The following ZNF423 variants were observed in gnomAD, a reference collection of about 807,000 sequenced individuals.
ZNF423 encodes the protein Ebf-associated zinc finger protein.
A neutral mutation model predicts 95.8 loss-of-function variants in ZNF423; 12 were observed. That is an observed-to-expected ratio of 0.13 (90% CI 0.08 to 0.20). The LOEUF (loss-of-function observed/expected upper bound fraction) is 0.20. Ranked by LOEUF, ZNF423 falls within the 10% of genes least tolerant of loss-of-function variation. The probability of loss-of-function intolerance (pLI) is 1.00; values close to 1 mark genes in which losing one functional copy is unlikely to be tolerated. For synonymous variants in ZNF423, 749 were observed against 711.9 expected (o/e 1.05, Z -0.83); for missense variants, 1,316 against 1,737.1 (o/e 0.76, Z 4.31).
At chr16:49,703,565 G>A (rs1035468656) in intron 3 of ZNF423, among the ~76,000 whole-genome samples, 2 of 152,240 alleles carry the variant, frequency 1.3e-5, no homozygotes, top group African/African-American at 4.8e-5. Context: ...TGGACAAATG[G>A]CTCTTCCTAG....
At chr16:49,619,691 G>C (rs888756306) in intron 5 of ZNF423, among the ~76,000 whole-genome samples, 2 of 152,196 alleles carry the variant, frequency 1.3e-5, no homozygotes, top group Admixed American at 1.3e-4. Context: ...GAGGGAGAGG[G>C]AGACATTTTT....
At chr16:49,707,763 T>A (rs1430048448) in intron 3 of ZNF423, among the ~76,000 whole-genome samples, 1 of 152,200 alleles carries the variant, frequency 6.6e-6, no homozygotes, top group African/African-American at 2.4e-5. Context: ...AAAATACTAG[T>A]GCCCTAAGCA....
At chr16:49,772,625 A>C (rs1239230061) in intron 2 of ZNF423, among the ~76,000 whole-genome samples, 1 of 152,190 alleles carries the variant, frequency 6.6e-6, no homozygotes, top group Non-Finnish European at 1.5e-5. Flanking sequence ...TTATTCCCCA[A>C]AACTCTTTCC....
At chr16:49,563,145 G>A (rs901202617) in intron 5 of ZNF423, among the ~76,000 whole-genome samples, 44 of 152,208 alleles carry the variant, frequency 2.9e-4, no homozygotes, top group Non-Finnish European at 6.0e-4. Context: ...TAAATCTCAT[G>A]TTCAAATCTA....
At chr16:49,771,998 G>A (rs1231910630) in intron 2 of ZNF423, among the ~76,000 whole-genome samples, 3 of 151,882 alleles carry the variant, frequency 2.0e-5, no homozygotes, top group African/African-American at 7.3e-5. Flanking sequence ...TGTTATGAGG[G>A]CCTGGATCAT....
intron 3 of ZNF423, among the ~76,000 whole-genome samples, chr16:49,702,301 CAG>C (rs1374055362): frequency 1.3e-5 from 2 of 152,300 alleles, no homozygotes; most frequent in East Asian, 3.9e-4. Flanking sequence ...TATTTCATAA[CAG>C]GGGAGGCCAA....
At chr16:49,550,732 G>C (rs1011407432) in intron 5 of ZNF423, among the ~76,000 whole-genome samples, 1 of 152,254 alleles carries the variant, frequency 6.6e-6, no homozygotes, top group South Asian at 2.1e-4. Context: ...ACAAGGGAAT[G>C]TAGGTCTCCC....
intron 4 of ZNF423, among the ~76,000 whole-genome samples, chr16:49,631,345 C>T (rs965423343): frequency 1.3e-5 from 2 of 152,042 alleles, no homozygotes; most frequent in African/African-American, 4.8e-5. Context: ...GCTCACCAGC[C>T]CCCAAACCCT....
rs1251033521 is a variant in ZNF423 at position 49,855,532 on chromosome 16, G to GCCGCCGCCT, written c.40+202_40+203insAGGCGGCGG. On this transcript the variant is annotated intron_variant, in intron 1 of 7. Transcript: ENST00000563137. The surrounding 1 kb of genome is among the most constrained non-coding windows in gnomAD (Gnocchi z 4.7). Reference sequence around the variant, plus strand: ...CCCCTCCGCCGCCGCCGCCGCCGCCGCCGCCTCCGCCTCCTGCTCCCGGCT... The same window carrying GCCGCCGCCT: ...CCCCTCCGCCGCCGCCGCCGCCGCCGCCGCCGCCTCCGCCTCCGCCTCCTGCTCCCGGCT... 1.6e-4 allele frequency among the ~76,000 whole-genome samples: 22 copies of GCCGCCGCCT among 134,000 alleles called. No individual in the cohort carries two copies. Among genetic ancestry groups the GCCGCCGCCT allele is most frequent in the South Asian group, 1.0e-3 (4 of 3,934 alleles). 87.9% of individuals were successfully genotyped at this position (134,000 alleles called of 152,430 possible).
intron 5 of ZNF423, among the ~76,000 whole-genome samples, chr16:49,537,926 G>A (rs1355102755): frequency 1.3e-5 from 2 of 152,182 alleles, no homozygotes; most frequent in East Asian, 1.9e-4. Flanking sequence ...GGGACCAGAT[G>A]GGGGGTCTGC....
At position 49,490,639 on chromosome 16, in the gene ZNF423, T is replaced by C. The variant is rs1317854371; in HGVS notation, c.*636A>G. 6.5e-6 allele frequency: 1 copy of C among 153,816 alleles called. No individual in the cohort carries two copies. Among genetic ancestry groups the C allele is most frequent in the Non-Finnish European group, 1.5e-5 (1 of 68,906 alleles). 9.5% of individuals were successfully genotyped at this position (153,816 alleles called of 1,614,324 possible). On this transcript the variant is annotated 3_prime_UTR_variant, in exon 8 of 8. Coordinates refer to ENST00000563137, the MANE Select transcript of ZNF423 (RefSeq NM_001379286.1). ...ATGGATTCCCTTTATTGAACTGTAC[T>C]AGTTACTGCAGTCAGATTAAGTCAC... is the stretch of plus-strand genomic sequence containing the variant.
At chr16:49,852,140 A>G (rs2035308807) in intron 1 of ZNF423, among the ~76,000 whole-genome samples, 1 of 152,124 alleles carries the variant, frequency 6.6e-6, no homozygotes, top group African/African-American at 2.4e-5. Context: ...CTAGACCACC[A>G]AATTTATAAG....
At chr16:49,838,819 C>T (rs2035150457) in intron 1 of ZNF423, among the ~76,000 whole-genome samples, 1 of 151,770 alleles carries the variant, frequency 6.6e-6, no homozygotes, top group Admixed American at 6.6e-5. Context: ...GCTTTGTGCC[C>T]GAACCTGGCC....
intron 2 of ZNF423, among the ~76,000 whole-genome samples, chr16:49,755,554 G>A (rs142209897): frequency 2.6e-5 from 4 of 152,214 alleles, no homozygotes; most frequent in East Asian, 1.9e-4. Flanking sequence ...TTGTGGCTGC[G>A]GTAATTAAGC....
At chr16:49,729,639 CTATTATTATTAT>C (rs34889282) in intron 3 of ZNF423, among the ~76,000 whole-genome samples, 1,528 of 138,928 alleles carry the variant, frequency 0.011, 17 homozygotes, top group African/African-American at 0.035. Context: ...CCTCTTAGGT[CTATTATTATTAT>C]TATTATTATT....
chr16:49,612,840 A>C (rs553957725), intron 5 of ZNF423, among the ~76,000 whole-genome samples: 1 of 152,368 alleles, frequency 6.6e-6, no homozygotes, highest in South Asian at 2.1e-4. Flanking sequence ...CAATACAAAA[A>C]TGAACATTCA....
chr16:49,789,987 G>A (rs1370606906), intron 1 of ZNF423, among the ~76,000 whole-genome samples: 2 of 152,134 alleles, frequency 1.3e-5, no homozygotes, highest in Non-Finnish European at 2.9e-5. Flanking sequence ...GACAACATCA[G>A]AAGGCAACCA....
intron 5 of ZNF423, among the ~76,000 whole-genome samples, chr16:49,624,192 G>T (rs62031058): frequency 0.063 from 9,558 of 151,718 alleles, 414 homozygotes; most frequent in Middle Eastern, 0.092. Context: ...ATATATAAAC[G>T]CAAAATATAA....
chr16:49,545,535 TCTAA>T, intron 5 of ZNF423, among the ~76,000 whole-genome samples: 1 of 152,058 alleles, frequency 6.6e-6, no homozygotes, highest in Non-Finnish European at 1.5e-5. Context: ...GACCCCCCAC[TCTAA>T]CTGTTCAGCA....
Sources: gnomAD v4.1 joint callset for allele counts (sites outside exome capture counted in the v4.1 genomes callset) on GRCh38, gnomAD v4.1.1 for gene constraint, Gnocchi (gnomAD v3.1) non-coding constraint, MANE v1.5 for transcripts, NCBI Gene and HGNC (gene_info 2026-07-23, HGNC 2026-07-21) for gene names.